The following CPLX2 variants were observed in gnomAD, a reference collection of about 807,000 sequenced individuals.
CPLX2 encodes complexin 2, also known as complexin-2.
CPLX2 carries 5 observed loss-of-function variants against 16.3 expected under a neutral mutation model. The observed-to-expected ratio is 0.31, with a 90% CI of 0.16 to 0.64. CPLX2 has a LOEUF of 0.64. Ranked by LOEUF, CPLX2 falls within the 30% of genes least tolerant of loss-of-function variation. The probability of loss-of-function intolerance (pLI) is 0.79; values close to 1 mark genes in which losing one functional copy is unlikely to be tolerated. For missense variants in CPLX2, 144 were observed against 181.4 expected (o/e 0.79, Z 1.18); for synonymous variants, 89 against 73.2 (o/e 1.22, Z -1.10).
At chr5:175,861,152 C>T (rs1329691015) in intron 2 of CPLX2, among the ~76,000 whole-genome samples, 2 of 152,172 alleles carry the variant, frequency 1.3e-5, no homozygotes, top group African/African-American at 2.4e-5. Context: ...CAAGTTATTT[C>T]AACCCCAAGT....
chr5:175,846,330 T>G (rs1346450861), intron 2 of CPLX2, among the ~76,000 whole-genome samples: 1 of 151,958 alleles, frequency 6.6e-6, no homozygotes, highest in African/African-American at 2.4e-5. Flanking sequence ...GAGGGCTGCG[T>G]GGAGAGTCAG....
In CPLX2 at chr5:175,830,827, G is replaced by T. The variant is rs1758721461; in HGVS notation, c.-89+21759G>T. Among the ~76,000 whole-genome samples the T allele has an allele frequency of 1.3e-5, 2 of 152,234 alleles. No homozygotes were observed. Among genetic ancestry groups the T allele is most frequent in the Admixed American group, 1.3e-4 (2 of 15,284 alleles). The stretch of plus-strand genomic sequence containing the variant: ...CAGCCAAGAAGCCCAGATCTGGGAA[G>T]GAGAGCAGGGAACATGTCACCTGCC... On this transcript the variant is annotated intron_variant, in intron 2 of 4. Coordinates refer to the CPLX2 transcript ENST00000359546. The surrounding 1 kb of genome is among the most constrained non-coding windows in gnomAD (Gnocchi z 4.0).
intron 2 of CPLX2, among the ~76,000 whole-genome samples, chr5:175,842,172 G>A (rs1014947267): frequency 2.0e-5 from 3 of 152,228 alleles, no homozygotes; most frequent in African/African-American, 4.8e-5. Context: ...TGGCACAGCA[G>A]GCTGCCCAGA....
In CPLX2 at chr5:175,840,557, T is replaced by C. The variant is rs1462059144; in HGVS notation, c.-89+31489T>C. Among the ~76,000 whole-genome samples the C allele has an allele frequency of 2.0e-5, 3 of 152,212 alleles. No homozygotes were observed. The East Asian group carries it at 5.8e-4, about 29-fold the overall frequency. ...CATTCATTTTAAAACAGTAGATGCC[T>C]CCTTCTTTCACTTAAGAACTCAATG... On this transcript the variant is annotated intron_variant, in intron 2 of 4. Coordinates refer to the CPLX2 transcript ENST00000359546.
intron 2 of CPLX2, among the ~76,000 whole-genome samples, chr5:175,822,333 C>A (rs994377295): frequency 2.6e-5 from 4 of 152,198 alleles, no homozygotes; most frequent in African/African-American, 9.7e-5. Context: ...CCCTGGTAGA[C>A]CACGTGGACT....
chr5:175,819,008 A>G (rs1317215431), intron 2 of CPLX2, among the ~76,000 whole-genome samples: 2 of 152,146 alleles, frequency 1.3e-5, no homozygotes, highest in Non-Finnish European at 2.9e-5. Context: ...TGAACTTCAT[A>G]TAAATGAAAT....
intron 2 of CPLX2, among the ~76,000 whole-genome samples, chr5:175,820,691 AC>A: frequency 6.6e-6 from 1 of 152,050 alleles, no homozygotes; most frequent in East Asian, 1.9e-4. Context: ...TGACTGTCTC[AC>A]CCGCCCTGTC....
intron 2 of CPLX2, among the ~76,000 whole-genome samples, chr5:175,840,086 C>T (rs1051076687): frequency 1.3e-5 from 2 of 152,082 alleles, no homozygotes; most frequent in Non-Finnish European, 2.9e-5. Context: ...ATTTCTTTTT[C>T]GAACAAAGGT....
chr5:175,818,810 C>A (rs751785599), intron 2 of CPLX2, among the ~76,000 whole-genome samples: 1 of 151,788 alleles, frequency 6.6e-6, no homozygotes, highest in African/African-American at 2.4e-5. Flanking sequence ...TACAGGCATG[C>A]GCCACTATGC....
At chr5:175,822,015 G>A (rs1336654234) in intron 2 of CPLX2, among the ~76,000 whole-genome samples, 1 of 152,146 alleles carries the variant, frequency 6.6e-6, no homozygotes, top group East Asian at 1.9e-4. Flanking sequence ...AATGAAACGT[G>A]GGCTGACTCT....
chr5:175,806,252 G>A (rs1758198206), intron 1 of CPLX2, among the ~76,000 whole-genome samples: 1 of 151,454 alleles, frequency 6.6e-6, no homozygotes, highest in Admixed American at 6.6e-5. Flanking sequence ...AGTTCCCTCA[G>A]TAAACCATGC....
intron 1 of CPLX2, among the ~76,000 whole-genome samples, chr5:175,806,845 C>T (rs1011758225): frequency 1.3e-5 from 2 of 152,124 alleles, no homozygotes; most frequent in Non-Finnish European, 2.9e-5. Context: ...GACAAGAGAC[C>T]TTGGCAGAGT....
At chr5:175,826,548 G>A (rs757909442) in intron 2 of CPLX2, among the ~76,000 whole-genome samples, 2 of 152,166 alleles carry the variant, frequency 1.3e-5, no homozygotes, top group Non-Finnish European at 2.9e-5. Flanking sequence ...GGAATCAGAC[G>A]GACCCTCAAC....
chr5:175,876,040 G>T (rs1158696665), intron 1 of CPLX2, among the ~76,000 whole-genome samples: 1 of 152,092 alleles, frequency 6.6e-6, no homozygotes, highest in African/African-American at 2.4e-5. Context: ...TAAGTTTGAG[G>T]GGTGCCCACA....
chr5:175,799,773 T>A (rs1758059433), intron 1 of CPLX2, among the ~76,000 whole-genome samples: 1 of 151,640 alleles, frequency 6.6e-6, no homozygotes, highest in Admixed American at 6.6e-5. Flanking sequence ...GCTCAAGTGA[T>A]CCTCTTGTCT....
intron 1 of CPLX2, among the ~76,000 whole-genome samples, chr5:175,804,819 C>A (rs182406923): frequency 6.6e-6 from 1 of 152,200 alleles, no homozygotes; most frequent in Non-Finnish European, 1.5e-5. Flanking sequence ...CCCCTGACTA[C>A]CCAACCCTGT....
chr5:175,871,462 A>AGAGG (rs1561790463), upstream of CPLX2: 2 of 136,238 alleles, frequency 1.5e-5, no homozygotes, highest in Non-Finnish European at 3.3e-5. Context: ...AGAGAGAGAG[A>AGAGG]GAGAGAGAGA....
At chr5:175,860,597 A>G (rs141204994) in intron 2 of CPLX2, among the ~76,000 whole-genome samples, 2 of 134,674 alleles carry the variant, frequency 1.5e-5, no homozygotes, top group Admixed American at 7.2e-5. Context: ...GAAGGAAGGA[A>G]GGAAGGAAGG....
rs1388437218 is a variant in CPLX2 at position 175,879,039 on chromosome 5, A to T, written c.163A>T (p.Met55Leu). Residue 55 changes from methionine (M) to leucine (L), a missense_variant, in exon 3 of 4, where the codon ATG becomes TTG. Met to Leu is a conservative substitution (Grantham distance 15). Transcript: ENST00000393745. Reference protein sequence around the residue: ...EEERKAKHARMEAEREKVRQQ... With the variant: ...EEERKAKHARLEAEREKVRQQ... ...GGAGCGTAAGGCCAAGCACGCGCGC[A>T]TGGAGGCGGAGCGGGAGAAGGTCCG... 1.9e-6 allele frequency: 3 copies of T among 1,589,502 alleles called. No individual in the cohort carries two copies. Among genetic ancestry groups the T allele is most frequent in the Non-Finnish European group, 2.6e-6 (3 of 1,168,448 alleles).
Sources: allele counts gnomAD v4.1 joint callset (sites outside exome capture counted in the v4.1 genomes callset), GRCh38; gene constraint gnomAD v4.1.1; non-coding constraint Gnocchi (gnomAD v3.1); transcripts MANE v1.5; gene names NCBI Gene and HGNC (gene_info 2026-07-23, HGNC 2026-07-21).